SAMD3: variants seen among roughly 807,000 people sequenced by gnomAD.
The protein encoded by SAMD3 is sterile alpha motif domain containing 3, also known as sterile alpha motif domain-containing protein 3.
SAMD3 carries 63 observed loss-of-function variants against 58.5 expected under a neutral mutation model. That is an observed-to-expected ratio of 1.08 (90% CI 0.88 to 1.33). The LOEUF is 1.33. Ranked by LOEUF, SAMD3 falls within the 40% of genes most tolerant of loss-of-function variation. SAMD3 has a pLI of 0.00. For synonymous variants in SAMD3, 220 were observed against 210.3 expected, an observed-to-expected ratio of 1.05 and a Z score of -0.40; for missense variants, 604 against 608.4, an observed-to-expected ratio of 0.99 and a Z score of 0.08.
chr6:130,316,938 C>G (rs1776396112), intron 1 of SAMD3, among the ~76,000 whole-genome samples: 1 of 152,054 alleles, frequency 6.6e-6, no homozygotes, highest in Non-Finnish European at 1.5e-5. Context: ...TTTTCTTGAC[C>G]ACAAAATGGC....
At chr6:130,330,523 T>C (rs530786417) in intron 1 of SAMD3, among the ~76,000 whole-genome samples, 101 of 152,246 alleles carry the variant, frequency 6.6e-4, no homozygotes, top group African/African-American at 2.3e-3. Context: ...CTGCTGGAGA[T>C]GGTTAGTTTA....
chr6:130,300,035 G>C (rs563348157), intron 2 of SAMD3, among the ~76,000 whole-genome samples: 5 of 152,166 alleles, frequency 3.3e-5, no homozygotes, highest in African/African-American at 4.8e-5. Flanking sequence ...GATGTTCAAA[G>C]AAGAACTGGT....
At chr6:130,153,582 A>G (rs1218486140) in intron 9 of SAMD3, among the ~76,000 whole-genome samples, 1 of 149,858 alleles carries the variant, frequency 6.7e-6, no homozygotes, top group Non-Finnish European at 1.5e-5. Flanking sequence ...TTGTGAAAGA[A>G]CCTTGAATGG....
chr6:130,168,203 G>A (rs974647568), intron 8 of SAMD3, among the ~76,000 whole-genome samples: 1 of 152,176 alleles, frequency 6.6e-6, no homozygotes, highest in Non-Finnish European at 1.5e-5. Flanking sequence ...GGAGGCCAAG[G>A]TGGGCGGATC....
At chr6:130,217,204 G>A (rs376594041) in intron 1 of SAMD3, among the ~76,000 whole-genome samples, 2 of 152,106 alleles carry the variant, frequency 1.3e-5, no homozygotes, top group Non-Finnish European at 2.9e-5. Flanking sequence ...GCTAGACAAC[G>A]TAACATCTTT....
intron 1 of SAMD3, among the ~76,000 whole-genome samples, chr6:130,358,580 A>C (rs1777900130): frequency 6.6e-6 from 1 of 152,184 alleles, no homozygotes; most frequent in Non-Finnish European, 1.5e-5. Context: ...TAAACTGTTC[A>C]TTATCAAAAT....
At chr6:130,284,556 CA>C (rs1181259657) in intron 2 of SAMD3, among the ~76,000 whole-genome samples, 1 of 151,868 alleles carries the variant, frequency 6.6e-6, no homozygotes, top group East Asian at 1.9e-4. Flanking sequence ...GTCATATGAG[CA>C]AAATTCTCCA....
intron 1 of SAMD3, among the ~76,000 whole-genome samples, chr6:130,350,885 C>A (rs560328973): frequency 6.6e-6 from 1 of 152,068 alleles, no homozygotes; most frequent in African/African-American, 2.4e-5. Context: ...GAGATATAGA[C>A]CAATGGAACA....
intron 2 of SAMD3, among the ~76,000 whole-genome samples, chr6:130,245,152 C>G (rs969802093): frequency 1.3e-5 from 2 of 152,182 alleles, no homozygotes; most frequent in Non-Finnish European, 2.9e-5. Flanking sequence ...AGCCACGGCA[C>G]TGCCATTTTC....
At chr6:130,314,885 C>T (rs1398808939) in intron 1 of SAMD3, among the ~76,000 whole-genome samples, 1 of 152,136 alleles carries the variant, frequency 6.6e-6, no homozygotes, top group African/African-American at 2.4e-5. Flanking sequence ...AAAATGCCCT[C>T]CAGCTGCTTC....
At chr6:130,335,584 G>C (rs918880160) in intron 1 of SAMD3, among the ~76,000 whole-genome samples, 1 of 152,196 alleles carries the variant, frequency 6.6e-6, no homozygotes, top group Non-Finnish European at 1.5e-5. Context: ...CTATGCTTCA[G>C]CTATTAAGAT....
chr6:130,159,789 C>T (rs2114608600), intron 8 of SAMD3: 1 of 151,790 alleles, frequency 6.6e-6, no homozygotes, highest in East Asian at 1.9e-4. Context: ...AGGATTTTTA[C>T]AAGTAAATTG....
chr6:130,232,123 C>G (rs959974348), intron 2 of SAMD3, among the ~76,000 whole-genome samples: 2 of 152,058 alleles, frequency 1.3e-5, no homozygotes, highest in Admixed American at 6.6e-5. Context: ...CAGTGTCCAC[C>G]CACAGCCTCA....
intron 2 of SAMD3, among the ~76,000 whole-genome samples, chr6:130,253,496 T>G (rs1773815071): frequency 6.6e-6 from 1 of 152,182 alleles, no homozygotes; most frequent in Admixed American, 6.5e-5. Context: ...TAAAAATCAT[T>G]AACAATGTGA....
At chr6:130,278,666 C>A (rs1774870159) in intron 2 of SAMD3, among the ~76,000 whole-genome samples, 2 of 152,088 alleles carry the variant, frequency 1.3e-5, no homozygotes, top group Non-Finnish European at 2.9e-5. Context: ...AAGGGTGAAA[C>A]TGGAAAATAA....
chr6:130,263,540 G>A (rs145058368), intron 2 of SAMD3, among the ~76,000 whole-genome samples: 99 of 152,126 alleles, frequency 6.5e-4, no homozygotes, highest in African/African-American at 2.4e-3. Context: ...CAGAGTCGTG[G>A]GCCATAGTCC....
chr6:130,308,389 T>TTTCTATTCC, intron 2 of SAMD3, among the ~76,000 whole-genome samples: 1 of 144,734 alleles, frequency 6.9e-6, no homozygotes, highest in Admixed American at 7.0e-5. Flanking sequence ...TATTCTATTC[T>TTTCTATTCC]ATTCTATTCT....
intron 5 of SAMD3, among the ~76,000 whole-genome samples, chr6:130,188,531 T>C (rs1169724185): frequency 6.6e-6 from 1 of 152,204 alleles, no homozygotes; most frequent in Non-Finnish European, 1.5e-5. Context: ...TTGCATTCAT[T>C]ACCCTGTAGA....
At chr6:130,202,069 A>C (rs1347332270) in intron 5 of SAMD3, among the ~76,000 whole-genome samples, 1 of 152,212 alleles carries the variant, frequency 6.6e-6, no homozygotes, top group Non-Finnish European at 1.5e-5. Context: ...ATTTGGACTG[A>C]ACAAAAGAAA....
Sources: allele counts gnomAD v4.1 joint callset (sites outside exome capture counted in the v4.1 genomes callset), GRCh38; gene constraint gnomAD v4.1.1; transcripts MANE v1.5; gene names NCBI Gene and HGNC (gene_info 2026-07-23, HGNC 2026-07-21).